The following PARP8 variants were observed in gnomAD, a reference collection of about 807,000 sequenced individuals.
The protein encoded by PARP8 is protein mono-ADP-ribosyltransferase PARP8.
A neutral mutation model predicts 124.1 loss-of-function variants in PARP8; 51 were observed. The observed-to-expected ratio is 0.41, with a 90% CI of 0.33 to 0.52. The LOEUF is 0.52. PARP8 is among the 20% of genes least tolerant of loss of function. The pLI, the probability that PARP8 is intolerant of heterozygous loss-of-function variation, is 0.21. For synonymous variants in PARP8, 391 were observed against 361.5 expected, an observed-to-expected ratio of 1.08 and a Z score of -0.93; for missense variants, 860 against 1,018.9, an observed-to-expected ratio of 0.84 and a Z score of 2.12.
In PARP8 at chr5:50,689,711, G is replaced by A. The variant is rs577506030; in HGVS notation, c.146+21586G>A. 4.6e-5 allele frequency among the ~76,000 whole-genome samples: 7 copies of A among 152,286 alleles called. No individual in the cohort carries two copies. The East Asian group carries it at 5.8e-4, about 13-fold the overall frequency. On this transcript the variant is annotated intron_variant, in intron 2 of 25. Coordinates refer to ENST00000281631, the MANE Select transcript of PARP8 (RefSeq NM_024615.4). ...TGACCCAGAAAATGTTGCAGTTTCC[G>A]AACACTTCGTGAGGTTGATGGGATC...
chr5:50,715,408 A>T (rs966092574), intron 2 of PARP8, among the ~76,000 whole-genome samples: 11 of 151,960 alleles, frequency 7.2e-5, no homozygotes, highest in African/African-American at 2.7e-4. Context: ...TTATACTTTC[A>T]TGAGCTCCTT....
rs760004605 is a variant in PARP8, at chr5:50,795,059, T to G, written c.1070T>G (p.Ile357Ser). The change falls in exon 12 of 26, where the codon ATT becomes AGT. Residue 357 changes from isoleucine (I) to serine (S), a missense_variant. Coordinates refer to ENST00000281631, the MANE Select transcript of PARP8 (RefSeq NM_024615.4). ...AGGGCGGAGCAGGCTATGACAGCAA[T>G]TAAATCGCACAAACTTTTGAACCGT... Reference protein sequence around the residue: ...DPRAEQAMTAIKSHKLLNRPC... With the variant: ...DPRAEQAMTASKSHKLLNRPC... 1 of 1,614,188 alleles carries G rather than the reference T, an allele frequency of 6.2e-7. No individual in the cohort carries two copies. The highest frequency in any genetic ancestry group is 1.1e-5 in the South Asian group (1 of 91,084).
Position 50,828,374 on chromosome 5 carries a change from C to G in PARP8, c.2153C>G (p.Thr718Arg). Reference protein sequence around the residue: ...LRNGLVVASNTRLQLHGAMYG... With the variant: ...LRNGLVVASNRRLQLHGAMYG... Reference sequence around the variant, plus strand: ...AATGGTCTGGTTGTTGCTTCTAATACACGATTGCAGGTAGATTTTCTGAAT... The same window carrying G: ...AATGGTCTGGTTGTTGCTTCTAATAGACGATTGCAGGTAGATTTTCTGAAT... The change falls in exon 21 of 26, where the codon ACA becomes AGA. Residue 718 changes from threonine to arginine, a missense_variant. Coordinates refer to ENST00000281631, the MANE Select transcript of PARP8 (RefSeq NM_024615.4). 1 of 1,612,374 alleles carries G rather than the reference C, an allele frequency of 6.2e-7. No individual in the cohort carries two copies. The highest frequency in any genetic ancestry group is 2.2e-5 in the East Asian group (1 of 44,858).
intron 2 of PARP8, among the ~76,000 whole-genome samples, chr5:50,748,502 T>G (rs1408386737): frequency 6.6e-6 from 1 of 152,250 alleles, no homozygotes; most frequent in Non-Finnish European, 1.5e-5. Flanking sequence ...TCTGGTATTA[T>G]TCATCCAGAA....
At chr5:50,750,099 C>T in intron 2 of PARP8, 52 bp from the exon 3 acceptor site, 1 of 1,371,234 alleles carries the variant, frequency 7.3e-7, no homozygotes, top group Admixed American at 1.8e-5. Flanking sequence ...TTTATAAAAG[C>T]CTGTCTACCT....
chr5:50,800,501 T>C lies in PARP8; in HGVS notation c.1575+3268T>C, dbSNP rs1743081003. On this transcript the variant is annotated intron_variant, in intron 14 of 25. Transcript: ENST00000281631. ...AAGAAAAGAAATTTTTATCTTGTGA[T>C]TTAGGGGGAAAATGTTCAGCCTTTC... 2.0e-5 allele frequency among the ~76,000 whole-genome samples: 3 copies of C among 152,126 alleles called. No homozygotes were observed. The South Asian group carries it at 6.2e-4, about 31-fold the overall frequency.
chr5:50,819,963 A>G (rs1173239691), intron 15 of PARP8, among the ~76,000 whole-genome samples: 1 of 152,202 alleles, frequency 6.6e-6, no homozygotes, highest in Non-Finnish European at 1.5e-5. Context: ...ATATATATGT[A>G]TGCATGTATT....
chr5:50,784,183 C>G (rs1740984706), intron 9 of PARP8, among the ~76,000 whole-genome samples: 1 of 151,994 alleles, frequency 6.6e-6, no homozygotes, highest in African/African-American at 2.4e-5. Context: ...AAAGGATTTC[C>G]TACATTTTGG....
intron 15 of PARP8, 128 bp downstream of exon 15, chr5:50,815,652 C>A: frequency 3.5e-6 from 2 of 576,132 alleles, no homozygotes; most frequent in Non-Finnish European, 5.6e-6. Context: ...GGCAAATTGG[C>A]ATTTGATTTT....
intron 2 of PARP8, among the ~76,000 whole-genome samples, chr5:50,739,842 G>A (rs1330830530): frequency 6.9e-6 from 1 of 144,442 alleles, no homozygotes; most frequent in Non-Finnish European, 1.5e-5. Flanking sequence ...CTCCACCTCC[G>A]AGGTTCAAGC....
chr5:50,748,005 C>T (rs538339813), intron 2 of PARP8, among the ~76,000 whole-genome samples: 1 of 151,900 alleles, frequency 6.6e-6, no homozygotes, highest in East Asian at 1.9e-4. Flanking sequence ...TCCTTTTATT[C>T]AGTGTGTCTT....
At chr5:50,680,264 A>G (rs1377084985) in intron 2 of PARP8, among the ~76,000 whole-genome samples, 1 of 152,040 alleles carries the variant, frequency 6.6e-6, no homozygotes, top group Non-Finnish European at 1.5e-5. Flanking sequence ...GTTCTTTACA[A>G]GCTTCCAGGA....
At chr5:50,771,408 C>T (rs1761617164) in intron 7 of PARP8, among the ~76,000 whole-genome samples, 2 of 152,188 alleles carry the variant, frequency 1.3e-5, no homozygotes, top group Admixed American at 1.3e-4. Flanking sequence ...ATCCACCCAC[C>T]TCGGCCTCCC....
chr5:50,822,853 A>G (rs1745918006), intron 17 of PARP8, among the ~76,000 whole-genome samples: 1 of 152,134 alleles, frequency 6.6e-6, no homozygotes, highest in Non-Finnish European at 1.5e-5. Flanking sequence ...CCCGGAGAGT[A>G]TGGGTTTATG....
intron 2 of PARP8, among the ~76,000 whole-genome samples, chr5:50,710,966 T>A (rs1754711941): frequency 6.6e-6 from 1 of 152,144 alleles, no homozygotes; most frequent in South Asian, 2.1e-4. Context: ...CATAAACACA[T>A]ATACATATGT....
intron 9 of PARP8, among the ~76,000 whole-genome samples, chr5:50,787,392 A>C (rs1167335688): frequency 2.0e-5 from 3 of 152,120 alleles, no homozygotes; most frequent in Non-Finnish European, 4.4e-5. Context: ...ATATTTCAGC[A>C]TATTTTCTCT....
chr5:50,737,933 C>T (rs545019948), intron 2 of PARP8, among the ~76,000 whole-genome samples: 1 of 152,192 alleles, frequency 6.6e-6, no homozygotes, highest in Admixed American at 6.5e-5. Flanking sequence ...AAGCACAGTG[C>T]CCTTATAATT....
chr5:50,776,386 G>C (rs1225277753), intron 7 of PARP8, among the ~76,000 whole-genome samples: 1 of 152,114 alleles, frequency 6.6e-6, no homozygotes, highest in Non-Finnish European at 1.5e-5. Flanking sequence ...TTGGTATCAG[G>C]GTAGTGCTGG....
intron 25 of PARP8, 59 bp downstream of exon 25, chr5:50,835,074 G>A: frequency 2.1e-6 from 3 of 1,428,844 alleles, no homozygotes; most frequent in Non-Finnish European, 2.9e-6. Flanking sequence ...GGTTAGTGGT[G>A]ACTGAATTAT....
Sources: gnomAD v4.1 joint callset for allele counts (sites outside exome capture counted in the v4.1 genomes callset) on GRCh38, gnomAD v4.1.1 for gene constraint, MANE v1.5 for transcripts, NCBI Gene and HGNC (gene_info 2026-07-23, HGNC 2026-07-21) for gene names.